B3GALT5: variants seen among roughly 807,000 people sequenced by gnomAD.
The protein encoded by B3GALT5 is UDP-Gal:betaGlcNAc beta 1,3-galactosyltransferase, polypeptide 5.
For synonymous variants in B3GALT5, 156 were observed against 158.6 expected, an observed-to-expected ratio of 0.98 and a Z score of 0.12; for missense variants, 328 against 396.6, an observed-to-expected ratio of 0.83 and a Z score of 1.47.
intron 1 of B3GALT5, among the ~76,000 whole-genome samples, chr21:39,639,476 C>CTT (rs1569212641): frequency 1.0e-4 from 12 of 116,350 alleles, no homozygotes; most frequent in Admixed American, 2.6e-4. Flanking sequence ...CTCTCTCTCT[C>CTT]TCTTTCTTTC....
rs2146221410 is a variant in B3GALT5, at chr21:39,661,352, A to G, written c.793A>G (p.Thr265Ala). 1 of 1,611,238 alleles carries G rather than the reference A, an allele frequency of 6.2e-7. No homozygotes were observed. The highest frequency in any genetic ancestry group is 2.2e-5 in the East Asian group (1 of 44,854). ...IRLEELHSQP[T>A]FFPGGLRFSV... ...ATTGGAGGAGCTCCACTCCCAGCCG[A>G]CCTTTTTTCCAGGGGGCTTACGCTT... The change falls in exon 4 of 4, where the codon ACC becomes GCC. Residue 265 changes from threonine to alanine, a missense_variant. Thr to Ala is a moderately conservative substitution (Grantham distance 58). Transcript: ENST00000684187. The surrounding 1 kb of genome is among the most constrained non-coding windows in gnomAD (Gnocchi z 4.7).
At chr21:39,635,062 G>A (rs549314406) in intron 1 of B3GALT5, among the ~76,000 whole-genome samples, 2 of 152,236 alleles carry the variant, frequency 1.3e-5, no homozygotes, top group East Asian at 3.9e-4. Flanking sequence ...GAGGGCCCCC[G>A]CAAAGCCCAC....
chr21:39,672,149 C>T lies in B3GALT5; in HGVS notation c.*10657C>T, dbSNP rs1185662172. The stretch of plus-strand genomic sequence containing the variant: ...CAAAGAAGCGCAGAGTTAAGTTGGC[C>T]AGTGTGGCGTGGACACAGCCAGGCG... On this transcript the variant is annotated 3_prime_UTR_variant, in exon 4 of 4. Transcript: ENST00000684187. 1 of 152,210 alleles carries T rather than the reference C, an allele frequency of 6.6e-6. No individual in the cohort carries two copies. Among genetic ancestry groups the T allele is most frequent in the Non-Finnish European group, 1.5e-5 (1 of 68,030 alleles). 9.4% of individuals were successfully genotyped at this position (152,210 alleles called of 1,614,324 possible). A position where few individuals can be genotyped will look rare whatever the true frequency, so the allele number is the denominator to read the frequency against.
chr21:39,658,667 A>G (rs2079475574), intron 2 of B3GALT5, among the ~76,000 whole-genome samples: 3 of 151,868 alleles, frequency 2.0e-5, no homozygotes, highest in Admixed American at 2.0e-4. Flanking sequence ...AAAGAAAGAA[A>G]CTTTGCAGCA....
At chr21:39,655,308 C>T (rs921561765) in intron 2 of B3GALT5, among the ~76,000 whole-genome samples, 4 of 152,234 alleles carry the variant, frequency 2.6e-5, no homozygotes, top group African/African-American at 9.6e-5. Flanking sequence ...TTGTTCTGTT[C>T]AGGCTGTCAA....
intron 1 of B3GALT5, among the ~76,000 whole-genome samples, chr21:39,642,640 A>G (rs1249159213): frequency 6.6e-6 from 1 of 152,240 alleles, no homozygotes; most frequent in Non-Finnish European, 1.5e-5. Flanking sequence ...TGAAGACGTT[A>G]GAAAATACAG....
intron 1 of B3GALT5, among the ~76,000 whole-genome samples, chr21:39,615,947 T>A (rs948079887): frequency 6.6e-6 from 1 of 152,234 alleles, no homozygotes; most frequent in Admixed American, 6.5e-5. Flanking sequence ...TCTTATTGAA[T>A]TTTAAAAAAT....
At position 39,639,288 on chromosome 21, in the gene B3GALT5, C is replaced by CTCTTTCTTTCTT. The variant is rs71184689; in HGVS notation, c.-391-7053_-391-7042dup. Among the ~76,000 whole-genome samples the CTCTTTCTTTCTT allele has an allele frequency of 5.8e-3, 569 of 98,506 alleles. 25 individuals carry two copies. The highest frequency in any genetic ancestry group is 8.6e-3 in the East Asian group (25 of 2,910). The allele number at this position is 98,506 out of a possible 152,430, so 64.6% of individuals were successfully genotyped here. A position where few individuals can be genotyped will look rare whatever the true frequency, so the allele number is the denominator to read the frequency against. ...CTTGCAAGCAGCTTCAGGCATCTGG[C>CTCTTTCTTTCTT]TCTTTCTTTCTTTCTTTCTTTCTTT... is the stretch of plus-strand genomic sequence containing the variant. On this transcript the variant is annotated intron_variant, in intron 1 of 3. Transcript: ENST00000684187.
chr21:39,631,504 C>T (rs1281625090), intron 1 of B3GALT5, among the ~76,000 whole-genome samples: 1 of 152,146 alleles, frequency 6.6e-6, no homozygotes, highest in Non-Finnish European at 1.5e-5. Flanking sequence ...TGCAAAGATC[C>T]TATTTCCAAA....
rs186822506 is a variant in B3GALT5 at position 39,667,401 on chromosome 21, G to A, written c.*5909G>A. On this transcript the variant is annotated 3_prime_UTR_variant, in exon 4 of 4. Coordinates refer to ENST00000684187, the MANE Select transcript of B3GALT5 (RefSeq NM_001356336.2). Reference sequence around the variant, plus strand: ...TTATTTTTGTGCAAAAAATTATCCCGATGTTTACTTTGGTTTCATAAGTAA... The same window carrying A: ...TTATTTTTGTGCAAAAAATTATCCCAATGTTTACTTTGGTTTCATAAGTAA... 1.2e-3 allele frequency: 176 copies of A among 152,302 alleles called. No homozygotes were observed. Among genetic ancestry groups the A allele is most frequent in the African/African-American group, 3.7e-3 (153 of 41,562 alleles). The allele number at this position is 152,302 out of a possible 1,614,324, so 9.4% of individuals were successfully genotyped here.
chr21:39,647,552 TGGTCCACGCTG>T, intron 2 of B3GALT5, among the ~76,000 whole-genome samples: 1 of 33,224 alleles, frequency 3.0e-5, no homozygotes, highest in East Asian at 9.5e-4. Context: ...CTGGCCACGC[TGGTCCACGCTG>T]GTCTTTAACT....
intron 1 of B3GALT5, among the ~76,000 whole-genome samples, chr21:39,618,870 A>G (rs2079120610): frequency 6.6e-6 from 1 of 152,188 alleles, no homozygotes; most frequent in Non-Finnish European, 1.5e-5. Context: ...CTCTAAGGCT[A>G]TAAAGATTGT....
intron 3 of B3GALT5, 122 bp downstream of exon 3, chr21:39,660,034 TA>T (rs61473803): frequency 9.2e-4 from 473 of 516,222 alleles, no homozygotes; most frequent in African/African-American, 1.3e-3. Context: ...AAAAGTAACT[TA>T]AAAAAAAATA....
intron 2 of B3GALT5, among the ~76,000 whole-genome samples, chr21:39,651,361 G>A (rs953214358): frequency 1.3e-5 from 2 of 152,208 alleles, no homozygotes; most frequent in African/African-American, 4.8e-5. Context: ...GAGGCTGTCA[G>A]GGAGAATCTA....
rs147073249 is a variant in B3GALT5 at position 39,660,999 on chromosome 21, C to T, written c.440C>T (p.Pro147Leu). Residue 147 changes from proline (P) to leucine (L), a missense_variant, in exon 4 of 4, where the codon CCT (proline) becomes CTT (leucine). Pro to Leu is a moderately conservative substitution (Grantham distance 98). Transcript: ENST00000684187. Reference protein sequence around the residue: ...MGIEWVHRFCPQAAFVMKTDS... With the variant: ...MGIEWVHRFCLQAAFVMKTDS... ...ATAGAATGGGTCCATCGCTTTTGTC[C>T]TCAGGCGGCGTTTGTGATGAAAACA... The T allele has an allele frequency of 5.6e-6, 9 of 1,612,832 alleles. 1 individual carries two copies. The highest frequency in any genetic ancestry group is 5.3e-5 in the African/African-American group (4 of 75,016).
At chr21:39,645,516 G>A (rs2079328917) in intron 1 of B3GALT5, among the ~76,000 whole-genome samples, 1 of 152,190 alleles carries the variant, frequency 6.6e-6, no homozygotes, top group African/African-American at 2.4e-5. Flanking sequence ...AATAACCAGT[G>A]GGGACTGCCC....
intron 1 of B3GALT5, among the ~76,000 whole-genome samples, chr21:39,617,164 CT>C (rs1297074207): frequency 6.6e-6 from 1 of 152,204 alleles, no homozygotes; most frequent in Non-Finnish European, 1.5e-5. Context: ...TTCCACATCA[CT>C]TCTATGTATA....
intron 1 of B3GALT5, among the ~76,000 whole-genome samples, chr21:39,614,016 T>C (rs2079094550): frequency 6.6e-6 from 1 of 152,224 alleles, no homozygotes; most frequent in South Asian, 2.1e-4. Flanking sequence ...TAGAATTTAA[T>C]GAAGATACAG....
chr21:39,656,033 C>T (rs1237401701), intron 2 of B3GALT5, among the ~76,000 whole-genome samples: 1 of 152,118 alleles, frequency 6.6e-6, no homozygotes, highest in Non-Finnish European at 1.5e-5. Flanking sequence ...TTTCCACTGG[C>T]GTTTTTTACC....
Sources: allele counts gnomAD v4.1 joint callset (sites outside exome capture counted in the v4.1 genomes callset), GRCh38; gene constraint gnomAD v4.1.1; non-coding constraint Gnocchi (gnomAD v3.1); transcripts MANE v1.5; gene names NCBI Gene and HGNC (gene_info 2026-07-23, HGNC 2026-07-21).